The following OAS3 variants were observed in gnomAD, a reference collection of about 807,000 sequenced individuals.
OAS3 encodes the protein 2'-5'-oligoadenylate synthase 3.
A neutral mutation model predicts 113.0 loss-of-function variants in OAS3; 107 were observed. The ratio of observed to expected loss-of-function variants is 0.95; its 90% confidence interval spans 0.81 to 1.11. The LOEUF is 1.11. OAS3 is among the 50% of genes most tolerant of loss of function. The pLI is 0.00. For missense variants in OAS3, 1,258 were observed against 1,389.1 expected (o/e 0.91, Z 1.50); for synonymous variants, 552 against 573.6 (o/e 0.96, Z 0.54).
intron 6 of OAS3, among the ~76,000 whole-genome samples, chr12:112,949,515 T>C (rs1388862461): frequency 6.6e-6 from 1 of 152,136 alleles, no homozygotes; most frequent in Non-Finnish European, 1.5e-5. Context: ...TGGCCTTGAC[T>C]TACTCCACAC....
chr12:112,939,088 C>T (rs913777569), intron 1 of OAS3, among the ~76,000 whole-genome samples: 1 of 152,206 alleles, frequency 6.6e-6, no homozygotes, highest in Non-Finnish European at 1.5e-5. Context: ...GTGGGCCTCA[C>T]ACTATGCCAG....
At chr12:112,969,537 G>C in intron 14 of OAS3, 71 bp from the exon 15 acceptor site, 1 of 1,538,668 alleles carries the variant, frequency 6.5e-7, no homozygotes, top group Non-Finnish European at 8.8e-7. Context: ...GGGGAAAATA[G>C]TCCAACCAGT....
At position 112,949,184 on chromosome 12, in the gene OAS3, C is replaced by T. The variant is rs1191501482; in HGVS notation, c.1353C>T (p.His451=). 1.2e-6 allele frequency: 2 copies of T among 1,611,804 alleles called. No homozygotes were observed. Residue 451 remains histidine, a synonymous_variant, in exon 6 of 16, where the codon CAC becomes CAT. Coordinates refer to ENST00000228928, the MANE Select transcript of OAS3 (RefSeq NM_006187.4). The part of the protein sequence containing the change: ...ILRCLHENCV[H]KASRVSKGGS... ...GCTGCCTCCATGAGAACTGTGTTCA[C>T]AAGGCCTCAAGAGTCAGTAAAGTGA... is the stretch of plus-strand genomic sequence containing the variant.
At chr12:112,962,078 C>T (rs765052598) in intron 8 of OAS3, among the ~76,000 whole-genome samples, 1 of 152,238 alleles carries the variant, frequency 6.6e-6, no homozygotes, top group South Asian at 2.1e-4. Context: ...ATTACAGGCA[C>T]AAGCCACCAT....
chr12:112,947,521 A>G (rs925002983), intron 4 of OAS3, among the ~76,000 whole-genome samples: 1 of 152,200 alleles, frequency 6.6e-6, no homozygotes. Flanking sequence ...ATAGTATTCC[A>G]TTGTGTGAAT....
intron 1 of OAS3, among the ~76,000 whole-genome samples, chr12:112,941,358 GA>G (rs965462726): frequency 1.3e-5 from 2 of 151,776 alleles, no homozygotes; most frequent in African/African-American, 4.8e-5. Context: ...TGTTTCTATG[GA>G]AAAAAAATCA....
intron 7 of OAS3, among the ~76,000 whole-genome samples, chr12:112,955,861 A>T (rs1201285885): frequency 2.0e-5 from 3 of 152,238 alleles, no homozygotes; most frequent in African/African-American, 7.2e-5. Flanking sequence ...AAAATGAGTT[A>T]TGGAGGATTC....
In OAS3 at chr12:112,962,663, G is replaced by A. The variant is rs747273026; in HGVS notation, c.1845G>A (p.Gln615=). 5.6e-6 allele frequency: 9 copies of A among 1,613,788 alleles called. No individual in the cohort carries two copies. The highest frequency in any genetic ancestry group is 7.6e-6 in the Non-Finnish European group (9 of 1,179,824). The change falls in exon 9 of 16, where the codon CAG becomes CAA. Residue 615 remains glutamine (Q), a synonymous_variant. Transcript: ENST00000228928. Reference sequence around the variant, plus strand: ...CTTGTGTGACACAGGTTGCGGCTCAGAACAAAGGAAAAGGACCAGCCCCTG... The same window carrying A: ...CTTGTGTGACACAGGTTGCGGCTCAAAACAAAGGAAAAGGACCAGCCCCTG... The part of the protein sequence containing the change: ...VKHWYRQVAA[Q]NKGKGPAPAS...
At chr12:112,949,339 A>C (rs2043768081) in intron 6 of OAS3, 134 bp downstream of exon 6, 1 of 670,452 alleles carries the variant, frequency 1.5e-6, no homozygotes, top group Non-Finnish European at 2.5e-6. Flanking sequence ...TGCTGGCTTA[A>C]ATAAAATATA....
intron 2 of OAS3, among the ~76,000 whole-genome samples, chr12:112,943,383 A>G (rs2043697858): frequency 6.6e-6 from 1 of 152,208 alleles, no homozygotes. Context: ...GGGGAAACTG[A>G]GGCTCAGAGA....
At chr12:112,948,591 A>G (rs958675459) in intron 5 of OAS3, among the ~76,000 whole-genome samples, 10 of 151,402 alleles carry the variant, frequency 6.6e-5, no homozygotes, top group Admixed American at 6.6e-5. Flanking sequence ...CGGGGGAAGG[A>G]GTCCTTTGTT....
In OAS3 at chr12:112,946,113, G is replaced by A. The variant is rs2043726012; in HGVS notation, c.637-630G>A. Among the ~76,000 whole-genome samples the A allele has an allele frequency of 2.6e-5, 4 of 152,260 alleles. No individual in the cohort carries two copies. In the South Asian group the frequency reaches 6.2e-4, roughly 24 times the overall value. The stretch of plus-strand genomic sequence containing the variant: ...CGCATGTTTGTCACCCCAGAGAGAG[G>A]GGGTGAGCGGAGGGAGTGTGGAGAT... On this transcript the variant is annotated intron_variant, in intron 3 of 15. Coordinates refer to ENST00000228928, the MANE Select transcript of OAS3 (RefSeq NM_006187.4).
rs761705486 is a variant in OAS3, at chr12:112,967,935, G to A, written c.2866-1G>A. The A allele has an allele frequency of 6.2e-7, 1 of 1,612,794 alleles. No individual in the cohort carries two copies. The highest frequency in any genetic ancestry group is 1.3e-5 in the African/African-American group (1 of 75,012). On this transcript the variant is annotated splice_acceptor_variant, in intron 13 of 15. Coordinates refer to ENST00000228928, the MANE Select transcript of OAS3 (RefSeq NM_006187.4). LOFTEE classifies it high-confidence loss of function. ...AACATATCTTTCTTCTCGTTCTCCA[G>A]TGTACCAAGATCTCCAAGGGGAGAG...
chr12:112,956,065 G>A (rs899645745), intron 7 of OAS3, among the ~76,000 whole-genome samples: 8 of 152,146 alleles, frequency 5.3e-5, no homozygotes, highest in African/African-American at 1.9e-4. Flanking sequence ...TTAGTCTTGG[G>A]AGCGTGTCTG....
chr12:112,951,780 T>G (rs1355702095), intron 7 of OAS3, among the ~76,000 whole-genome samples: 1 of 145,820 alleles, frequency 6.9e-6, no homozygotes, highest in Non-Finnish European at 1.5e-5. Context: ...GCAGGTCACT[T>G]GAGGTCAGGA....
rs550192169 is a variant in OAS3, at chr12:112,950,256, G to A, written c.1375-437G>A. On this transcript the variant is annotated intron_variant, in intron 6 of 15. Transcript: ENST00000228928. ...ATGTATCGGATATGTGTGATATCCC[G>A]TGTGAAGGAGGGAGGGAGGGAGGGA... Among the ~76,000 whole-genome samples the A allele has an allele frequency of 5.7e-4, 86 of 152,174 alleles. 2 individuals are homozygous for A. Among genetic ancestry groups the A allele is most frequent in the South Asian group, 3.9e-3 (19 of 4,820 alleles).
chr12:112,939,630 A>G lies in OAS3; in HGVS notation c.177+923A>G, dbSNP rs537896239. Among the ~76,000 whole-genome samples, 4 of 152,078 alleles carry G rather than the reference A, an allele frequency of 2.6e-5. No homozygotes were observed. The East Asian group carries it at 7.7e-4, about 29-fold the overall frequency. On this transcript the variant is annotated intron_variant, in intron 1 of 15. Coordinates refer to ENST00000228928, the MANE Select transcript of OAS3 (RefSeq NM_006187.4). ...GCCACCATGCCCAGGTAATTTTTGC[A>G]TTTTTTGTAGAGACGGGATTTCACC... is the stretch of plus-strand genomic sequence containing the variant.
At position 112,946,781 on chromosome 12, in the gene OAS3, G is replaced by A. The variant is rs767956421; in HGVS notation, c.675G>A (p.Pro225=). 3.4e-5 allele frequency: 55 copies of A among 1,612,872 alleles called. No individual in the cohort carries two copies. The East Asian group carries it at 6.7e-4, about 20-fold the overall frequency. The part of the protein sequence containing the change: ...LQGLWKETLP[P]VYALELLTIF... Reference sequence around the variant, plus strand: ...GGTTGTGGAAGGAGACGCTGCCCCCGGTCTATGCCCTGGAATTGCTGACCA... The same window carrying A: ...GGTTGTGGAAGGAGACGCTGCCCCCAGTCTATGCCCTGGAATTGCTGACCA... Residue 225 remains proline, a synonymous_variant, in exon 4 of 16, where the codon CCG becomes CCA. Transcript: ENST00000228928.
At position 112,947,028 on chromosome 12, in the gene OAS3, G is replaced by T. The variant is rs773311843; in HGVS notation, c.875+47G>T. 5.9e-6 allele frequency: 9 copies of T among 1,517,848 alleles called. No homozygotes were observed. The South Asian group carries it at 9.2e-5, about 15-fold the overall frequency. 94.0% of individuals were successfully genotyped at this position (1,517,848 alleles called of 1,614,324 possible). ...TCTGCTCTCCTGTCCCGGGGCCAGG[G>T]GGAGATAATTGACAAGGACAAAACC... On this transcript the variant is annotated intron_variant, in intron 4 of 15. Coordinates refer to ENST00000228928, the MANE Select transcript of OAS3 (RefSeq NM_006187.4).
Sources: allele counts gnomAD v4.1 joint callset (sites outside exome capture counted in the v4.1 genomes callset), GRCh38; gene constraint gnomAD v4.1.1; transcripts MANE v1.5; gene names NCBI Gene and HGNC (gene_info 2026-07-23, HGNC 2026-07-21).